The following PPARGC1A variants were observed in gnomAD, a reference collection of about 807,000 sequenced individuals.
PPARGC1A encodes PPARG coactivator 1 alpha.
A neutral mutation model predicts 88.7 loss-of-function variants in PPARGC1A; 25 were observed. The observed-to-expected ratio is 0.28, with a 90% confidence interval of 0.21 to 0.39. The LOEUF (loss-of-function observed/expected upper bound fraction) is 0.39. PPARGC1A is among the 10% of genes least tolerant of loss of function. The pLI is 1.00. For synonymous variants in PPARGC1A, 363 were observed against 355.6 expected, an observed-to-expected ratio of 1.02 and a Z score of -0.24; for missense variants, 880 against 968.7, an observed-to-expected ratio of 0.91 and a Z score of 1.22.
the PPARGC1A span, among the ~76,000 whole-genome samples, chr4:24,271,179 A>G: frequency 7.2e-5 from 11 of 152,190 alleles, no homozygotes; most frequent in Non-Finnish European, 1.5e-4. Flanking sequence ...TTTGGTAGCA[A>G]GAGAGCATGC....
chr4:24,165,884 T>C, the PPARGC1A span, among the ~76,000 whole-genome samples: 3 of 152,154 alleles, frequency 2.0e-5, no homozygotes, highest in Non-Finnish European at 4.4e-5. Flanking sequence ...CCCTACTAAG[T>C]ATTCAAGTGA....
At chr4:23,996,588 C>T in the PPARGC1A span, among the ~76,000 whole-genome samples, 1 of 152,254 alleles carries the variant, frequency 6.6e-6, no homozygotes, top group South Asian at 2.1e-4. Flanking sequence ...CCTCTCCCAA[C>T]CCCACTCTGT....
chr4:24,007,999 G>C, the PPARGC1A span, among the ~76,000 whole-genome samples: 1 of 152,152 alleles, frequency 6.6e-6, no homozygotes, highest in Non-Finnish European at 1.5e-5. Context: ...CATCTTGGGA[G>C]CAATACCCAG....
the PPARGC1A span, among the ~76,000 whole-genome samples, chr4:24,031,691 C>G: frequency 8.5e-5 from 13 of 152,146 alleles, no homozygotes; most frequent in African/African-American, 3.1e-4. Flanking sequence ...ATAACAGTAG[C>G]ACCCCACCCC....
the PPARGC1A span, among the ~76,000 whole-genome samples, chr4:24,067,648 C>T: frequency 6.6e-6 from 1 of 152,178 alleles, no homozygotes; most frequent in Non-Finnish European, 1.5e-5. Flanking sequence ...GAATTAGATC[C>T]TTCTGTCAGC....
At chr4:24,083,669 C>T in the PPARGC1A span, among the ~76,000 whole-genome samples, 1 of 152,140 alleles carries the variant, frequency 6.6e-6, no homozygotes, top group Non-Finnish European at 1.5e-5. Flanking sequence ...CAGAACAGTT[C>T]ACCTCTGTTG....
chr4:24,155,866 A>G, the PPARGC1A span, among the ~76,000 whole-genome samples: 20,142 of 152,172 alleles, frequency 0.13, 1,797 homozygotes, highest in African/African-American at 0.25. Flanking sequence ...GCAAGTTACA[A>G]GATCCACAAG....
chr4:23,828,366 C>A (rs1413359004), intron 5 of PPARGC1A, 34 bp downstream of exon 5: 9 of 1,577,130 alleles, frequency 5.7e-6, no homozygotes, highest in Non-Finnish European at 7.0e-6. Context: ...CTTCCAGTGC[C>A]CTCACCAACA....
the PPARGC1A span, among the ~76,000 whole-genome samples, chr4:24,168,382 T>C: frequency 4.6e-5 from 7 of 152,154 alleles, no homozygotes; most frequent in Non-Finnish European, 8.8e-5. Context: ...ACATCACAAC[T>C]TTGTCTCCTC....
At chr4:24,325,705 C>T in the PPARGC1A span, among the ~76,000 whole-genome samples, 5 of 152,196 alleles carry the variant, frequency 3.3e-5, no homozygotes, top group African/African-American at 4.8e-5. Flanking sequence ...TCGGAAGCCC[C>T]GTAGACCACC....
At chr4:24,067,612 A>G in the PPARGC1A span, among the ~76,000 whole-genome samples, 4 of 152,226 alleles carry the variant, frequency 2.6e-5, no homozygotes, top group African/African-American at 9.6e-5. Context: ...TCGGAGGCAC[A>G]GGTTTAGCTA....
Position 23,824,306 on chromosome 4 carries a change from A to G in PPARGC1A, c.851T>C (p.Leu284Ser). 1.9e-6 allele frequency: 3 copies of G among 1,613,576 alleles called. No individual in the cohort carries two copies. Among genetic ancestry groups the G allele is most frequent in the Non-Finnish European group, 2.5e-6 (3 of 1,179,660 alleles). The part of the protein sequence containing the change: ...PFENKTIERT[L>S]SVELSGTAGL... The stretch of plus-strand genomic sequence containing the variant: ...TGCAGTTCCAGAGAGTTCCACACTT[A>G]AGGTGCGTTCAATAGTCTTGTTCTC... Residue 284 changes from leucine to serine, a missense_variant, in exon 7 of 13, where the codon TTA becomes TCA. By Grantham distance (145) the Leu-to-Ser change is moderately radical. Coordinates refer to ENST00000264867, the MANE Select transcript of PPARGC1A (RefSeq NM_013261.5).
At chr4:24,451,973 C>G in the PPARGC1A span, among the ~76,000 whole-genome samples, 3 of 152,004 alleles carry the variant, frequency 2.0e-5, no homozygotes, top group African/African-American at 7.2e-5. Flanking sequence ...GTTTTTTGTA[C>G]GAGATTTAAC....
chr4:24,227,808 G>T, the PPARGC1A span, among the ~76,000 whole-genome samples: 2 of 152,202 alleles, frequency 1.3e-5, no homozygotes, highest in Non-Finnish European at 2.9e-5. Context: ...AGAGCAGACT[G>T]ATGAGAGGAG....
At chr4:23,948,953 A>G in the PPARGC1A span, among the ~76,000 whole-genome samples, 2 of 152,140 alleles carry the variant, frequency 1.3e-5, no homozygotes, top group Non-Finnish European at 2.9e-5. Flanking sequence ...TCTTTCCCTT[A>G]GCACCTATGA....
At chr4:23,910,222 AATATATTAT>A in the PPARGC1A span, among the ~76,000 whole-genome samples, 2 of 87,858 alleles carry the variant, frequency 2.3e-5, no homozygotes, top group African/African-American at 7.5e-5. Context: ...TATAATATAT[AATATATTAT>A]ATATAATATA....
At chr4:24,379,572 A>G in the PPARGC1A span, among the ~76,000 whole-genome samples, 2 of 152,054 alleles carry the variant, frequency 1.3e-5, no homozygotes, top group African/African-American at 2.4e-5. Context: ...ATATAAAAAT[A>G]AAATAATAAT....
chr4:24,416,429 TA>T, the PPARGC1A span, among the ~76,000 whole-genome samples: 1 of 152,032 alleles, frequency 6.6e-6, no homozygotes, highest in Non-Finnish European at 1.5e-5. Context: ...GCTACTGCAA[TA>T]GTCCAGGCAA....
At chr4:23,827,041 T>C (rs1484627328) in intron 5 of PPARGC1A, among the ~76,000 whole-genome samples, 1 of 152,126 alleles carries the variant, frequency 6.6e-6, no homozygotes, top group Admixed American at 6.5e-5. Context: ...GAGGCCTTCA[T>C]GACCAACAAG....
Sources: allele counts gnomAD v4.1 joint callset (sites outside exome capture counted in the v4.1 genomes callset), GRCh38; gene constraint gnomAD v4.1.1; transcripts MANE v1.5; gene names NCBI Gene and HGNC (gene_info 2026-07-23, HGNC 2026-07-21).